The following UTP18 variants were observed in gnomAD, a reference collection of about 807,000 sequenced individuals.
UTP18 encodes UTP18 small subunit processome component, also known as U3 small nucleolar RNA-associated protein 18 homolog.
In UTP18, 36 loss-of-function variants were observed where a neutral mutation model predicts 61.1. The ratio of observed to expected loss-of-function variants is 0.59; its 90% CI spans 0.45 to 0.78. The LOEUF is 0.78. UTP18 is among the 30% of genes least tolerant of loss of function. The pLI is 0.00. For synonymous variants in UTP18, 282 were observed against 251.1 expected (o/e 1.12, Z -1.16); for missense variants, 753 against 693.9 (o/e 1.09, Z -0.96).
rs2055525379 is a variant in UTP18 at position 51,263,211 on chromosome 17, C to G, written c.343-63C>G. Reference sequence around the variant, plus strand: ...TCTATGAGCCATTTGGCTGTAAGGCCTATGTGTCTGCAGTCATGGGATAGG... The same window carrying G: ...TCTATGAGCCATTTGGCTGTAAGGCGTATGTGTCTGCAGTCATGGGATAGG... On this transcript the variant is annotated intron_variant, in intron 1 of 13. Transcript: ENST00000225298. 6.5e-6 allele frequency: 9 copies of G among 1,375,796 alleles called. No homozygotes were observed. In the South Asian group the frequency reaches 8.4e-5, roughly 13 times the overall value. 85.2% of individuals were successfully genotyped at this position (1,375,796 alleles called of 1,614,324 possible). A position where few individuals can be genotyped will look rare whatever the true frequency, so the allele number is the denominator to read the frequency against.
At chr17:51,273,840 A>G (rs1195550086) in intron 5 of UTP18, among the ~76,000 whole-genome samples, 1 of 152,152 alleles carries the variant, frequency 6.6e-6, no homozygotes, top group Non-Finnish European at 1.5e-5. Flanking sequence ...CCTAGTTCAT[A>G]CTGCTGTCAT....
intron 11 of UTP18, among the ~76,000 whole-genome samples, chr17:51,292,994 G>A (rs541018821): frequency 2.0e-5 from 3 of 152,210 alleles, no homozygotes; most frequent in Non-Finnish European, 2.9e-5. Context: ...TTTTATGATA[G>A]TAGAATATAT....
At chr17:51,294,965 A>AT (rs1281773953) in intron 12 of UTP18, among the ~76,000 whole-genome samples, 2 of 152,038 alleles carry the variant, frequency 1.3e-5, no homozygotes, top group Non-Finnish European at 2.9e-5. Context: ...GATGATGAGC[A>AT]TTTTTTCATG....
At chr17:51,278,022 G>T (rs1244347095) in intron 7 of UTP18, among the ~76,000 whole-genome samples, 1 of 152,192 alleles carries the variant, frequency 6.6e-6, no homozygotes, top group Non-Finnish European at 1.5e-5. Context: ...GGCTGGAAAG[G>T]ACAAGAGTAG....
chr17:51,295,117 A>G (rs150474356), intron 12 of UTP18, among the ~76,000 whole-genome samples: 5,160 of 152,208 alleles, frequency 0.034, 306 homozygotes, highest in African/African-American at 0.12. Context: ...TCAGATGAGT[A>G]GGTTGCGACA....
chr17:51,273,316 A>C (rs1904592632), intron 4 of UTP18, 46 bp from the exon 5 acceptor site: 1 of 1,459,896 alleles, frequency 6.8e-7, no homozygotes, highest in Non-Finnish European at 9.4e-7. Context: ...TAAAAGGGGC[A>C]GCTCATTGAT....
chr17:51,275,704 C>T (rs1598478698), intron 5 of UTP18, among the ~76,000 whole-genome samples, 162 bp from the exon 6 acceptor site: 2 of 150,574 alleles, frequency 1.3e-5, no homozygotes, highest in South Asian at 2.1e-4. Context: ...GCCAGAGCTG[C>T]GGTTTTTTTG....
At position 51,277,178 on chromosome 17, in the gene UTP18, T is replaced by G; in HGVS notation, c.886T>G (p.Phe296Val). ...AATTCAGAGCATCTATTTGGAAAGG[T>G]TTCCAATCTTTAAGGCTTGTTTTAG... The part of the protein sequence containing the change: ...PKIQSIYLER[F>V]PIFKACFSAN... Residue 296 changes from phenylalanine (F) to valine (V), a missense_variant, in exon 7 of 14, where the codon TTT becomes GTT. Coordinates refer to ENST00000225298, the MANE Select transcript of UTP18 (RefSeq NM_016001.3). The G allele has an allele frequency of 6.2e-7, 1 of 1,614,176 alleles. No individual in the cohort carries two copies. Among genetic ancestry groups the G allele is most frequent in the Non-Finnish European group, 8.5e-7 (1 of 1,180,030 alleles).
At chr17:51,281,165 T>TATATATA (rs1555555694) in intron 9 of UTP18, among the ~76,000 whole-genome samples, 1,252 of 43,848 alleles carry the variant, frequency 0.029, 20 homozygotes, top group African/African-American at 0.07. Context: ...TATATATATA[T>TATATATA]TTTTTTTAAA....
rs146664029 is a variant in UTP18 at position 51,279,307 on chromosome 17, A to G, written c.1013-698A>G. ...GTAACTTGGCTCTCTAAGCATTTTG[A>G]TATCAGGAGGAGTCCCCTGTATAGT... is the stretch of plus-strand genomic sequence containing the variant. On this transcript the variant is annotated intron_variant, in intron 7 of 13. Coordinates refer to ENST00000225298, the MANE Select transcript of UTP18 (RefSeq NM_016001.3). Among the ~76,000 whole-genome samples the G allele has an allele frequency of 2.9e-3, 434 of 152,228 alleles. 2 individuals are homozygous for G. The highest frequency in any genetic ancestry group is 9.9e-3 in the African/African-American group (410 of 41,518).
intron 2 of UTP18, 59 bp downstream of exon 2, chr17:51,263,445 G>T: frequency 8.0e-7 from 1 of 1,252,282 alleles, no homozygotes; most frequent in South Asian, 1.3e-5. Flanking sequence ...TTATTTTGCA[G>T]ATTTTAAAAT....
intron 1 of UTP18, among the ~76,000 whole-genome samples, chr17:51,261,250 C>G (rs550591240): frequency 6.6e-6 from 1 of 152,192 alleles, no homozygotes; most frequent in African/African-American, 2.4e-5. Flanking sequence ...TGAGGGTGGT[C>G]TTTTGATCAC....
chr17:51,280,214 G>A (rs16949752), intron 8 of UTP18, 109 bp downstream of exon 8: 40,082 of 1,321,344 alleles, frequency 0.03, 698 homozygotes, highest in Admixed American at 0.044. Flanking sequence ...AAGTAGAGGA[G>A]CACAGGTGGG....
rs1046682862 is a variant in UTP18, at chr17:51,292,461, T to C, written c.1504-1442T>C. Among the ~76,000 whole-genome samples, 4 of 152,388 alleles carry C rather than the reference T, an allele frequency of 2.6e-5. No homozygotes were observed. In the East Asian group the frequency reaches 7.7e-4, roughly 29 times the overall value. On this transcript the variant is annotated intron_variant, in intron 11 of 13. Coordinates refer to ENST00000225298, the MANE Select transcript of UTP18 (RefSeq NM_016001.3). ...TTCTTGACAAAATGGTCAGTAAGTA[T>C]GTATCAGAATTTGGCCTAATATGTG...
chr17:51,297,700 A>G (rs1167922436), intron 13 of UTP18, 82 bp from the exon 14 acceptor site: 3 of 424,992 alleles, frequency 7.1e-6, no homozygotes, highest in Non-Finnish European at 1.4e-5. Context: ...CTCCTGTCTC[A>G]AAAGATTACA....
chr17:51,277,049 C>A, intron 6 of UTP18, 81 bp from the exon 7 acceptor site: 1 of 1,419,358 alleles, frequency 7.0e-7, no homozygotes, highest in Non-Finnish European at 9.6e-7. Context: ...TTTAAATGAA[C>A]ACTTGTAGTG....
chr17:51,293,680 T>G (rs1163934319), intron 11 of UTP18, among the ~76,000 whole-genome samples: 1 of 152,136 alleles, frequency 6.6e-6, no homozygotes, highest in African/African-American at 2.4e-5. Flanking sequence ...AAGAAATTCA[T>G]GTAGCAAAAC....
chr17:51,278,223 T>TG (rs1904795699), intron 7 of UTP18, among the ~76,000 whole-genome samples: 5 of 152,290 alleles, frequency 3.3e-5, no homozygotes, highest in African/African-American at 4.8e-5. Flanking sequence ...GTGAATCACC[T>TG]GGGGGTCTCA....
intron 4 of UTP18, 104 bp downstream of exon 4, chr17:51,269,008 C>T (rs1904408160): frequency 2.5e-6 from 3 of 1,193,106 alleles, no homozygotes; most frequent in Non-Finnish European, 3.6e-6. Flanking sequence ...CATTTCTTGC[C>T]TGGCTCGGTA....
Sources: allele counts gnomAD v4.1 joint callset (sites outside exome capture counted in the v4.1 genomes callset), GRCh38; gene constraint gnomAD v4.1.1; transcripts MANE v1.5; gene names NCBI Gene and HGNC (gene_info 2026-07-23, HGNC 2026-07-21).